The following ENTPD3 variants were observed in gnomAD, a reference collection of about 807,000 sequenced individuals.
ENTPD3 encodes the protein CD39 antigen-like 3.
ENTPD3 carries 60 observed loss-of-function variants against 51.2 expected under a neutral mutation model. That is an observed-to-expected ratio of 1.17 (90% CI 0.95 to 1.45). The LOEUF is 1.45. Ranked by LOEUF, ENTPD3 falls within the 40% of genes most tolerant of loss-of-function variation. The probability of loss-of-function intolerance (pLI) is 0.00; values close to 1 mark genes in which losing one functional copy is unlikely to be tolerated. For synonymous variants in ENTPD3, 221 were observed against 238.4 expected (o/e 0.93, Z 0.67); for missense variants, 593 against 641.1 (o/e 0.93, Z 0.81).
intron 10 of ENTPD3, chr3:40,425,036 C>G: frequency 3.1e-6 from 1 of 325,304 alleles, no homozygotes; most frequent in East Asian, 5.0e-5. Context: ...CATTTGAATG[C>G]CAGTTTGAGT....
intron 7 of ENTPD3, among the ~76,000 whole-genome samples, chr3:40,422,051 A>C (rs1955884338): frequency 6.6e-6 from 1 of 152,090 alleles, no homozygotes; most frequent in South Asian, 2.1e-4. Context: ...AAGTTCATAA[A>C]ACCTGGTTCA....
intron 10 of ENTPD3, among the ~76,000 whole-genome samples, chr3:40,424,448 T>C (rs1955945406): frequency 6.6e-6 from 1 of 152,248 alleles, no homozygotes; most frequent in Non-Finnish European, 1.5e-5. Context: ...TGGATTTGCA[T>C]TAGCATTAAA....
At chr3:40,401,493 G>A (rs1385179455) in intron 4 of ENTPD3, among the ~76,000 whole-genome samples, 1 of 152,226 alleles carries the variant, frequency 6.6e-6, no homozygotes, top group African/African-American at 2.4e-5. Context: ...TTTTAGGGAA[G>A]CATTTATAAT....
intron 3 of ENTPD3, among the ~76,000 whole-genome samples, chr3:40,400,348 T>A (rs1443874002): frequency 6.6e-6 from 1 of 151,972 alleles, no homozygotes; most frequent in Admixed American, 6.6e-5. Context: ...TTTATTTTGG[T>A]TGTTTATTTT....
intron 7 of ENTPD3, among the ~76,000 whole-genome samples, chr3:40,422,450 G>A (rs1266058457): frequency 1.3e-5 from 2 of 150,396 alleles, no homozygotes; most frequent in East Asian, 3.9e-4. Context: ...CTGGTGTGCT[G>A]CACCCATTAA....
In ENTPD3 at chr3:40,428,382, C is replaced by T. The variant is rs905353377; in HGVS notation, c.*874C>T. 12 of 152,274 alleles carry T rather than the reference C, an allele frequency of 7.9e-5. No individual in the cohort carries two copies. Among genetic ancestry groups the T allele is most frequent in the Non-Finnish European group, 1.3e-4 (9 of 68,050 alleles). 9.4% of individuals were successfully genotyped at this position (152,274 alleles called of 1,614,324 possible). On this transcript the variant is annotated 3_prime_UTR_variant, in exon 11 of 11. Transcript: ENST00000301825. The stretch of plus-strand genomic sequence containing the variant: ...AAGTATACTTGATGTTGTCATAGAA[C>T]GAACATCCTACTCTATGATTTACTA...
Position 40,422,851 on chromosome 3 carries a change from A to AT in ENTPD3, c.835dup (p.Ser279PhefsTer17). On this transcript the variant is annotated frameshift_variant and splice_region_variant, in exon 8 of 11. Coordinates refer to ENST00000301825, the MANE Select transcript of ENTPD3 (RefSeq NM_001248.4). LOFTEE classifies it high-confidence loss of function. ...AACACCTTACTCTTATACCTACAGA[A>AT]TTCTCCTACCAAAAACCATCTCACC... 6.2e-7 allele frequency: 1 copy of AT among 1,610,352 alleles called. No individual in the cohort carries two copies. The highest frequency in any genetic ancestry group is 1.1e-5 in the South Asian group (1 of 90,898).
chr3:40,415,190 T>C (rs1434521944), intron 6 of ENTPD3, among the ~76,000 whole-genome samples: 1 of 152,028 alleles, frequency 6.6e-6, no homozygotes, highest in Non-Finnish European at 1.5e-5. Flanking sequence ...ATCTGAAATG[T>C]ACAAAGCCCT....
intron 5 of ENTPD3, among the ~76,000 whole-genome samples, chr3:40,413,388 C>T (rs1410856732): frequency 6.6e-6 from 1 of 152,168 alleles, no homozygotes; most frequent in Admixed American, 6.5e-5. Flanking sequence ...TGACTACAAT[C>T]AGGGAGAAAT....
In ENTPD3 at chr3:40,428,383, G is replaced by A. The variant is rs1956019815; in HGVS notation, c.*875G>A. 1 of 152,078 alleles carries A rather than the reference G, an allele frequency of 6.6e-6. No homozygotes were observed. Among genetic ancestry groups the A allele is most frequent in the Admixed American group, 6.5e-5 (1 of 15,268 alleles). 9.4% of individuals were successfully genotyped at this position (152,078 alleles called of 1,614,324 possible). On this transcript the variant is annotated 3_prime_UTR_variant, in exon 11 of 11. Transcript: ENST00000301825. ...AGTATACTTGATGTTGTCATAGAAC[G>A]AACATCCTACTCTATGATTTACTAA...
intron 4 of ENTPD3, among the ~76,000 whole-genome samples, chr3:40,408,915 G>A (rs1011865539): frequency 1.4e-4 from 20 of 142,654 alleles, no homozygotes; most frequent in African/African-American, 6.2e-4. Flanking sequence ...CTTCCCACCA[G>A]AGGGGAACAT....
chr3:40,392,040 C>T lies in ENTPD3; in HGVS notation c.58C>T (p.Arg20Ter), dbSNP rs370262280. 2.0e-5 allele frequency: 32 copies of T among 1,614,046 alleles called. No homozygotes were observed. The highest frequency in any genetic ancestry group is 1.6e-4 in the Middle Eastern group (1 of 6,076). ...CATTTTAGGCCTCAAGGCCCTCTAC[C>T]GAACTCCAACCATCATTGCCTTGGT... ...CEQAGLKALY[R>*]TPTIIALVVL... is the part of the protein sequence containing the mutation. The change falls in exon 3 of 11, where the codon CGA becomes TGA. Residue 20 changes from arginine (R) to a stop codon, truncating the protein, a stop_gained. Transcript: ENST00000301825. LOFTEE classifies it high-confidence loss of function.
At chr3:40,394,321 C>A (rs747874675) in intron 3 of ENTPD3, 1 of 332,384 alleles carries the variant, frequency 3.0e-6, no homozygotes, top group Non-Finnish European at 6.1e-6. Flanking sequence ...AGGGTTTCAC[C>A]GTGTTGACCA....
Position 40,423,812 on chromosome 3 carries a change from T to G in ENTPD3, c.1216-14T>G, listed in dbSNP as rs766289883. ...CCTGCCTGCCCTGCCTCTCAGATGT[T>G]TTAAACCTTTCAGCTCCCACTGCTG... On this transcript the variant is annotated splice_polypyrimidine_tract_variant and intron_variant, in intron 9 of 10. Transcript: ENST00000301825. 2.2e-5 allele frequency: 36 copies of G among 1,613,516 alleles called. No homozygotes were observed. The highest frequency in any genetic ancestry group is 2.8e-5 in the Non-Finnish European group (33 of 1,179,684).
At chr3:40,426,575 T>C (rs943067707) in intron 10 of ENTPD3, among the ~76,000 whole-genome samples, 2 of 152,142 alleles carry the variant, frequency 1.3e-5, no homozygotes, top group African/African-American at 4.8e-5. Context: ...ATTGAATTTT[T>C]AGAAATCAAG....
intron 7 of ENTPD3, among the ~76,000 whole-genome samples, chr3:40,418,649 T>C (rs991736003): frequency 6.6e-5 from 10 of 152,190 alleles, no homozygotes. Context: ...GTGAAAAACA[T>C]TTAGGAGATG....
At chr3:40,426,983 T>A (rs1955997907) in intron 10 of ENTPD3, among the ~76,000 whole-genome samples, 1 of 152,222 alleles carries the variant, frequency 6.6e-6, no homozygotes, top group African/African-American at 2.4e-5. Context: ...CCTGTGCTCC[T>A]GGACAACAGG....
At chr3:40,400,270 A>G (rs557204180) in intron 3 of ENTPD3, among the ~76,000 whole-genome samples, 3 of 150,326 alleles carry the variant, frequency 2.0e-5, no homozygotes, top group South Asian at 4.2e-4. Flanking sequence ...ATCTCAAAAA[A>G]AAAAAAAAAA....
intron 4 of ENTPD3, among the ~76,000 whole-genome samples, chr3:40,402,115 T>TA (rs1955372388): frequency 3.1e-5 from 1 of 31,752 alleles, no homozygotes; most frequent in African/African-American, 7.2e-5. Context: ...CCTTTCCTTT[T>TA]TTTTTTTCTT....
Sources: allele counts gnomAD v4.1 joint callset (sites outside exome capture counted in the v4.1 genomes callset), GRCh38; gene constraint gnomAD v4.1.1; transcripts MANE v1.5; gene names NCBI Gene and HGNC (gene_info 2026-07-23, HGNC 2026-07-21).